LARGE1: variants seen among roughly 807,000 people sequenced by gnomAD.
The protein encoded by LARGE1 is xylosyl- and glucuronyltransferase LARGE1.
A neutral mutation model predicts 87.6 loss-of-function variants in LARGE1; 43 were observed. The observed-to-expected ratio is 0.49, with a 90% CI of 0.38 to 0.63. The LOEUF (loss-of-function observed/expected upper bound fraction) is 0.63, where lower values mean the gene tolerates loss of function less well. LARGE1 is among the 30% of genes least tolerant of loss of function. LARGE1 has a pLI of 0.00. For synonymous variants in LARGE1, 434 were observed against 394.6 expected (o/e 1.10, Z -1.18); for missense variants, 802 against 1,000.2 (o/e 0.80, Z 2.67).
In LARGE1 at chr22:33,373,968, G is replaced by A. The variant is rs554551960; in HGVS notation, c.1131+7951C>T. 2.9e-4 allele frequency among the ~76,000 whole-genome samples: 21 copies of A among 72,748 alleles called. No individual in the cohort carries two copies. The East Asian group carries it at 3.5e-3, about 12-fold the overall frequency. 47.7% of individuals were successfully genotyped at this position (72,748 alleles called of 152,430 possible). A position where few individuals can be genotyped will look rare whatever the true frequency, so the allele number is the denominator to read the frequency against. On this transcript the variant is annotated intron_variant, in intron 9 of 14. Transcript: ENST00000397394. ...CAGCCTGGGGATAGAGTGAGACTCC[G>A]TCTCAAAAAAAAAAAAAAAAAAAAA...
intron 1 of LARGE1, among the ~76,000 whole-genome samples, chr22:33,862,722 G>C (rs890969441): frequency 7.9e-5 from 12 of 152,256 alleles, no homozygotes; most frequent in African/African-American, 2.9e-4. Context: ...TTCGTTTGTG[G>C]GCTTGGTGTT....
intron 1 of LARGE1, among the ~76,000 whole-genome samples, chr22:33,784,802 C>A (rs2085545359): frequency 6.6e-6 from 1 of 151,614 alleles, no homozygotes; most frequent in African/African-American, 2.4e-5. Context: ...TATACATACA[C>A]ACATACACAT....
At chr22:33,223,999 T>C (rs924854218) in intron 11 of LARGE1, among the ~76,000 whole-genome samples, 3 of 152,276 alleles carry the variant, frequency 2.0e-5, no homozygotes, top group Non-Finnish European at 4.4e-5. Context: ...GAGGGGCACA[T>C]AGAAAGTGCT....
intron 1 of LARGE1, among the ~76,000 whole-genome samples, chr22:33,843,849 G>A (rs1181237928): frequency 6.6e-6 from 1 of 152,006 alleles, no homozygotes; most frequent in East Asian, 1.9e-4. Context: ...AGGCCAAGGC[G>A]GGCGGATCAC....
At chr22:33,410,913 T>G (rs2066285683) in intron 7 of LARGE1, among the ~76,000 whole-genome samples, 1 of 152,214 alleles carries the variant, frequency 6.6e-6, no homozygotes. Context: ...ATTAGTACTG[T>G]GAACCTGAGA....
At chr22:33,408,535 G>A (rs1298650931) in intron 7 of LARGE1, among the ~76,000 whole-genome samples, 1 of 152,076 alleles carries the variant, frequency 6.6e-6, no homozygotes, top group Non-Finnish European at 1.5e-5. Flanking sequence ...ATTTATCAGG[G>A]TTTTCTAATA....
intron 6 of LARGE1, chr22:33,562,832 T>C (rs761742320): frequency 1.3e-5 from 2 of 152,586 alleles, no homozygotes; most frequent in Non-Finnish European, 2.9e-5. Flanking sequence ...CTATGGTGGT[T>C]ATACTTATCC....
chr22:33,650,536 C>A lies in LARGE1; in HGVS notation c.239G>T (p.Arg80Leu), dbSNP rs761004017. Reference sequence around the variant, plus strand: ...GCCCTGGGCCAGGCTGAGCTGCCTGCGGAGGGCGCGGTTCTCCTCCTCCAC... The same window carrying A: ...GCCCTGGGCCAGGCTGAGCTGCCTGAGGAGGGCGCGGTTCTCCTCCTCCAC... Reference protein sequence around the residue: ...REVEEENRALRRQLSLAQGRA... With the variant: ...REVEEENRALLRQLSLAQGRA... Residue 80 changes from arginine (R) to leucine (L), a missense_variant, in exon 3 of 15, where the codon CGC becomes CTC. Arg to Leu is a moderately radical substitution (Grantham distance 102, BLOSUM62 -2). This residue lies in a region of LARGE1 where 177 missense variants were observed against 158.3 expected (regional missense o/e 1.12). Coordinates refer to ENST00000397394, the MANE Select transcript of LARGE1 (RefSeq NM_133642.5). 1.7e-5 allele frequency: 28 copies of A among 1,610,592 alleles called. No individual in the cohort carries two copies. Among genetic ancestry groups the A allele is most frequent in the Non-Finnish European group, 2.2e-5 (26 of 1,179,964 alleles).
At chr22:33,099,377 C>T in the LARGE1 span, among the ~76,000 whole-genome samples, 1 of 148,396 alleles carries the variant, frequency 6.7e-6, no homozygotes, top group African/African-American at 2.4e-5. Context: ...CCTCAGCCTC[C>T]CAAGTAGCTG....
At chr22:33,599,287 T>A (rs1177841736) in intron 5 of LARGE1, among the ~76,000 whole-genome samples, 1 of 152,222 alleles carries the variant, frequency 6.6e-6, no homozygotes, top group Non-Finnish European at 1.5e-5. Flanking sequence ...GAGGTAATCA[T>A]ACTTATCTTT....
intron 2 of LARGE1, among the ~76,000 whole-genome samples, chr22:33,683,654 C>G (rs1281285114): frequency 6.6e-6 from 1 of 151,998 alleles, no homozygotes; most frequent in East Asian, 1.9e-4. Context: ...GACAGACAGA[C>G]AGACGATAGA....
the LARGE1 span, among the ~76,000 whole-genome samples, chr22:33,135,182 C>T: frequency 7.9e-5 from 12 of 152,168 alleles, no homozygotes; most frequent in African/African-American, 2.9e-4. Context: ...ATTTCCTTTC[C>T]AGGTTGGCTC....
chr22:33,109,879 C>T, the LARGE1 span, among the ~76,000 whole-genome samples: 1 of 152,298 alleles, frequency 6.6e-6, no homozygotes, highest in South Asian at 2.1e-4. Flanking sequence ...CATCTTCTGC[C>T]ATAATTGTAA....
At chr22:33,275,255 G>A (rs1340076068) in intron 14 of LARGE1, among the ~76,000 whole-genome samples, 1 of 152,136 alleles carries the variant, frequency 6.6e-6, no homozygotes, top group Non-Finnish European at 1.5e-5. Flanking sequence ...TAATACTCAG[G>A]CCAAAAATAA....
chr22:33,302,656 GA>G (rs1484156008), intron 12 of LARGE1, among the ~76,000 whole-genome samples: 1 of 152,178 alleles, frequency 6.6e-6, no homozygotes, highest in Non-Finnish European at 1.5e-5. Flanking sequence ...AAGAGACAGA[GA>G]GACGGAGTCA....
chr22:33,870,069 T>A (rs1315937542), intron 1 of LARGE1, among the ~76,000 whole-genome samples: 1 of 152,118 alleles, frequency 6.6e-6, no homozygotes, highest in Non-Finnish European at 1.5e-5. Flanking sequence ...CAGATATAAT[T>A]CAGTTAAGAT....
At chr22:33,884,464 C>T (rs1342104721) in intron 1 of LARGE1, among the ~76,000 whole-genome samples, 2 of 152,206 alleles carry the variant, frequency 1.3e-5, no homozygotes, top group African/African-American at 4.8e-5. Context: ...ATTGTGCCAG[C>T]CCACGCAAAG....
At chr22:33,709,179 T>C (rs975984453) in intron 2 of LARGE1, among the ~76,000 whole-genome samples, 2 of 152,082 alleles carry the variant, frequency 1.3e-5, no homozygotes, top group African/African-American at 4.8e-5. Flanking sequence ...ATTACCACTT[T>C]TATACCACTG....
chr22:33,679,086 C>T (rs958735498), intron 2 of LARGE1, among the ~76,000 whole-genome samples: 18 of 152,328 alleles, frequency 1.2e-4, no homozygotes, highest in African/African-American at 4.3e-4. Flanking sequence ...TGTTTAATAT[C>T]TATCTCTGCC....
Sources: allele counts gnomAD v4.1 joint callset (sites outside exome capture counted in the v4.1 genomes callset), GRCh38; gene constraint gnomAD v4.1.1; regional missense constraint gnomAD v4.1.1; transcripts MANE v1.5; gene names NCBI Gene and HGNC (gene_info 2026-07-23, HGNC 2026-07-21).